Variants in PRKCH observed in about 807,000 individuals in gnomAD.
The protein encoded by PRKCH is protein kinase C eta type.
PRKCH carries 28 observed loss-of-function variants against 82.5 expected under a neutral mutation model. The observed-to-expected ratio is 0.34, with a 90% CI of 0.25 to 0.47. The LOEUF (loss-of-function observed/expected upper bound fraction) is 0.47, where lower values mean the gene tolerates loss of function less well. PRKCH is among the 20% of genes least tolerant of loss of function. PRKCH has a pLI of 1.00. For missense variants in PRKCH, 705 were observed against 881.8 expected (o/e 0.80, Z 2.54); for synonymous variants, 322 against 327.4 (o/e 0.98, Z 0.18).
chr14:61,374,524 C>T (rs1371048246), intron 1 of PRKCH, among the ~76,000 whole-genome samples: 1 of 152,088 alleles, frequency 6.6e-6, no homozygotes, highest in East Asian at 1.9e-4. Flanking sequence ...TTCCATACCT[C>T]TTCTGAAATC....
intron 1 of PRKCH, among the ~76,000 whole-genome samples, chr14:61,295,269 A>G (rs2045397448): frequency 6.6e-6 from 1 of 152,248 alleles, no homozygotes; most frequent in African/African-American, 2.4e-5. Flanking sequence ...AAAAGAAAAA[A>G]TATCAAAGAG....
chr14:61,378,132 G>A (rs1313841883), intron 1 of PRKCH, among the ~76,000 whole-genome samples: 1 of 151,978 alleles, frequency 6.6e-6, no homozygotes, highest in Non-Finnish European at 1.5e-5. Flanking sequence ...CTTGCCTTCA[G>A]GCCTCAATTC....
In PRKCH at chr14:61,547,745, C is replaced by G. The variant is rs777403085; in HGVS notation, c.1764C>G (p.Phe588Leu). ...HEDATGILKS[F>L]MTKNPTMRLG... The stretch of plus-strand genomic sequence containing the variant: ...CACTTTCTCTCTCTCTCACTCAGTT[C>G]ATGACCAAGAACCCCACCATGCGCT... Residue 588 changes from phenylalanine to leucine, a missense_variant and splice_region_variant, in exon 13 of 14, where the codon TTC becomes TTG. Around this residue, in one of 5 missense-constraint regions of PRKCH, gnomAD observed 115 missense variants for 193.8 expected, o/e 0.59. Coordinates refer to ENST00000332981, the MANE Select transcript of PRKCH (RefSeq NM_006255.5). 1.5e-5 allele frequency: 25 copies of G among 1,613,336 alleles called. No individual in the cohort carries two copies. The highest frequency in any genetic ancestry group is 1.7e-5 in the Admixed American group (1 of 59,942).
intron 1 of PRKCH, among the ~76,000 whole-genome samples, chr14:61,262,439 T>C (rs564898823): frequency 1.3e-5 from 2 of 152,182 alleles, no homozygotes; most frequent in African/African-American, 4.8e-5. Context: ...TATAAAAGAA[T>C]ACAAGCAGTA....
intron 10 of PRKCH, among the ~76,000 whole-genome samples, chr14:61,507,712 C>G (rs1887211781): frequency 1.3e-5 from 2 of 151,970 alleles, no homozygotes; most frequent in African/African-American, 4.8e-5. Context: ...TATATGGAAT[C>G]TAAAATAGTC....
chr14:61,279,437 C>A (rs960271732), intron 1 of PRKCH: 1 of 152,170 alleles, frequency 6.6e-6, no homozygotes, highest in Non-Finnish European at 1.5e-5. Context: ...GGTTCAGGGT[C>A]GTGATTCCCA....
intron 1 of PRKCH, among the ~76,000 whole-genome samples, chr14:61,324,630 TA>T (rs1000098383): frequency 1.9e-4 from 29 of 152,056 alleles, no homozygotes; most frequent in African/African-American, 6.8e-4. Context: ...AAAAATGCTT[TA>T]AAAAAATAGA....
intron 1 of PRKCH, among the ~76,000 whole-genome samples, chr14:61,236,710 C>CA (rs35185475): frequency 0.47 from 41,383 of 87,732 alleles, 9,446 homozygotes; most frequent in South Asian, 0.64. Context: ...TGTCTCAAAA[C>CA]AAAAAAAAAA....
chr14:61,229,673 C>T (rs974980163), intron 1 of PRKCH, among the ~76,000 whole-genome samples: 10 of 152,164 alleles, frequency 6.6e-5, no homozygotes, highest in Admixed American at 6.5e-4. Flanking sequence ...GAAACTTTTC[C>T]AGAGTGAGAG....
Position 61,457,330 on chromosome 14 carries a change from G to A in PRKCH, c.1104+11G>A. The A allele has an allele frequency of 6.2e-7, 1 of 1,613,606 alleles. No homozygotes were observed. Among genetic ancestry groups the A allele is most frequent in the Non-Finnish European group, 8.5e-7 (1 of 1,179,678 alleles). On this transcript the variant is annotated intron_variant, in intron 8 of 13. Coordinates refer to ENST00000332981, the MANE Select transcript of PRKCH (RefSeq NM_006255.5). ...GGGAGTTTTGGGAAGGTGAGTCTTG[G>A]CTTTAACTGTTTGGGTTGAAGTAAG...
intron 9 of PRKCH, among the ~76,000 whole-genome samples, chr14:61,463,544 A>G (rs780748175): frequency 1.3e-5 from 2 of 152,210 alleles, no homozygotes; most frequent in Non-Finnish European, 2.9e-5. Context: ...TGTTTCTGAT[A>G]GCACTGCAAA....
At chr14:61,504,716 A>G (rs779678614) in intron 10 of PRKCH, among the ~76,000 whole-genome samples, 20 of 152,116 alleles carry the variant, frequency 1.3e-4, no homozygotes, top group Non-Finnish European at 2.8e-4. Context: ...TTAAGAACAG[A>G]TTTATTTTTT....
At chr14:61,441,835 G>A (rs967704944) in intron 2 of PRKCH, among the ~76,000 whole-genome samples, 1 of 149,674 alleles carries the variant, frequency 6.7e-6, no homozygotes, top group Non-Finnish European at 1.5e-5. Flanking sequence ...ATTTTTTTAA[G>A]AGATGGGGCC....
intron 1 of PRKCH, among the ~76,000 whole-genome samples, chr14:61,206,979 G>A (rs1318929224): frequency 6.6e-6 from 1 of 151,712 alleles, no homozygotes; most frequent in African/African-American, 2.4e-5. Context: ...GGTGGTGCAT[G>A]CCTTTAATCC....
chr14:61,466,113 T>A (rs1885244194), intron 9 of PRKCH, among the ~76,000 whole-genome samples: 1 of 152,020 alleles, frequency 6.6e-6, no homozygotes, highest in Non-Finnish European at 1.5e-5. Flanking sequence ...CTCCCCAGCC[T>A]CAAAAAAGAC....
chr14:61,422,831 A>T (rs980437993), intron 2 of PRKCH, among the ~76,000 whole-genome samples: 1 of 152,182 alleles, frequency 6.6e-6, no homozygotes, highest in African/African-American at 2.4e-5. Flanking sequence ...CAGTAGGCTA[A>T]TCTTATTGAG....
intron 2 of PRKCH, among the ~76,000 whole-genome samples, chr14:61,398,408 T>A (rs1170201619): frequency 6.6e-6 from 1 of 152,208 alleles, no homozygotes; most frequent in Non-Finnish European, 1.5e-5. Flanking sequence ...AAGTATGACA[T>A]CATCTTATGT....
intron 1 of PRKCH, among the ~76,000 whole-genome samples, chr14:61,342,917 TA>T (rs1458050377): frequency 2.6e-5 from 4 of 152,204 alleles, no homozygotes; most frequent in African/African-American, 9.6e-5. Context: ...AAGCTGCTGT[TA>T]GGGTTTGAGA....
At chr14:61,223,924 A>T (rs182286075) in intron 1 of PRKCH, among the ~76,000 whole-genome samples, 4 of 152,310 alleles carry the variant, frequency 2.6e-5, no homozygotes, top group Admixed American at 2.6e-4. Flanking sequence ...TATATTTTTT[A>T]AAAATTAACA....
Sources: gnomAD v4.1 joint callset for allele counts (sites outside exome capture counted in the v4.1 genomes callset) on GRCh38, gnomAD v4.1.1 for gene constraint, gnomAD v4.1.1 regional missense constraint, MANE v1.5 for transcripts, NCBI Gene and HGNC (gene_info 2026-07-23, HGNC 2026-07-21) for gene names.